Variants in LMNA observed in about 807,000 individuals in gnomAD.
The protein encoded by LMNA is lamin.
LMNA carries 20 observed loss-of-function variants against 70.4 expected under a neutral mutation model. That is an observed-to-expected ratio of 0.28 (90% CI 0.20 to 0.41). The LOEUF is 0.41. Ranked by LOEUF, LMNA falls within the 10% of genes least tolerant of loss-of-function variation. LMNA has a pLI of 1.00. For synonymous variants in LMNA, 339 were observed against 372.8 expected, an observed-to-expected ratio of 0.91 and a Z score of 1.04; for missense variants, 652 against 917.2, an observed-to-expected ratio of 0.71 and a Z score of 3.73.
upstream of LMNA, among the ~76,000 whole-genome samples, chr1:156,114,281 A>T (rs1649653302): frequency 6.6e-6 from 1 of 152,150 alleles, no homozygotes; most frequent in Non-Finnish European, 1.5e-5. Context: ...GTGGTGGAAG[A>T]AGGGTGAGTC....
chr1:156,130,800 A>G (rs1650995072), intron 2 of LMNA, 27 bp downstream of exon 2: 1 of 1,555,460 alleles, frequency 6.4e-7, no homozygotes, highest in Non-Finnish European at 8.7e-7. Context: ...GGGCCCACCC[A>G]TGGCCCCACC....
At position 156,135,502 on chromosome 1, in the gene LMNA, ACT is replaced by A. The variant is rs1558130433; in HGVS notation, c.936+193_936+194del. 1.4e-6 allele frequency: 1 copy of A among 719,858 alleles called. No individual in the cohort carries two copies. The highest frequency in any genetic ancestry group is 2.3e-6 in the Non-Finnish European group (1 of 427,512). The allele number at this position is 719,858 out of a possible 1,614,324, so 44.6% of individuals were successfully genotyped here. On this transcript the variant is annotated intron_variant, in intron 5 of 11. Transcript: ENST00000368300. This position sits in a 1 kb window ranked among gnomAD's most constrained non-coding sequence, Gnocchi z 4.8. ...GATGGCCTGTGTGCTGTTTCTGTAC[ACT>A]CTTACCTCACCTTCACTTCTCAGGG...
In LMNA at chr1:156,138,986, G is replaced by A. The variant is rs1651899112; in HGVS notation, c.1969-94G>A. 1 of 1,403,406 alleles carries A rather than the reference G, an allele frequency of 7.1e-7. No individual in the cohort carries two copies. 86.9% of individuals were successfully genotyped at this position (1,403,406 alleles called of 1,614,324 possible). A position where few individuals can be genotyped will look rare whatever the true frequency, so the allele number is the denominator to read the frequency against. On this transcript the variant is annotated intron_variant, in intron 11 of 11. Transcript: ENST00000368300. This position sits in a 1 kb window ranked among gnomAD's most constrained non-coding sequence, Gnocchi z 5.5. ...GGGCAGGGCTGGAGTGTGAGGGATGGGGGAGATGCTACCTCCCTTCTAGGG... is the reference window on the plus strand; with the variant it reads ...GGGCAGGGCTGGAGTGTGAGGGATGAGGGAGATGCTACCTCCCTTCTAGGG...
chr1:156,098,329 T>G (rs965221435), intron 3 of LMNA, among the ~76,000 whole-genome samples: 4 of 152,190 alleles, frequency 2.6e-5, no homozygotes, highest in Non-Finnish European at 5.9e-5. Context: ...TGAACTAGAT[T>G]CCCTGTCCAC....
At chr1:156,094,177 G>A (rs957151975) in intron 3 of LMNA, among the ~76,000 whole-genome samples, 18 of 152,166 alleles carry the variant, frequency 1.2e-4, no homozygotes, top group African/African-American at 4.3e-4. Context: ...GTCACCGCTA[G>A]TAAAATGAGT....
intron 3 of LMNA, among the ~76,000 whole-genome samples, chr1:156,107,964 ACCATGTTGG>A (rs1469744830): frequency 6.6e-6 from 1 of 151,824 alleles, no homozygotes; most frequent in Non-Finnish European, 1.5e-5. Flanking sequence ...ATGGAGTTTT[ACCATGTTGG>A]CCAGGCTGGT....
In LMNA at chr1:156,134,016, G is replaced by T. The variant is rs181576740; in HGVS notation, c.514-387G>T. Among the ~76,000 whole-genome samples, 10 of 148,206 alleles carry T rather than the reference G, an allele frequency of 6.7e-5. No homozygotes were observed. In the East Asian group the frequency reaches 1.4e-3, roughly 20 times the overall value. ...GAGAAGGGAGTCCTGTGGCTGGGGG[G>T]CATATATCTTTTCTTTTTGAGACAG... On this transcript the variant is annotated intron_variant, in intron 2 of 11. Transcript: ENST00000368300. This position sits in a 1 kb window ranked among gnomAD's most constrained non-coding sequence, Gnocchi z 5.3.
chr1:156,136,340 C>G lies in LMNA; in HGVS notation c.1284C>G (p.Ser428Arg), dbSNP rs368831495. ...KRKLESTESR[S>R]SFSQHARTSG... is the part of the protein sequence containing the mutation. ...AACTGGAGTCCACTGAGAGCCGCAG[C>G]AGCTTCTCACAGCACGCACGCACTA... is the stretch of plus-strand genomic sequence containing the variant. Residue 428 changes from serine (S) to arginine (R), a missense_variant, in exon 7 of 12, where the codon AGC becomes AGG. This residue lies in a region of LMNA where 327 missense variants were observed against 387.6 expected (regional missense o/e 0.84). Coordinates refer to ENST00000368300, the MANE Select transcript of LMNA (RefSeq NM_170707.4). The surrounding 1 kb of genome is among the most constrained non-coding windows in gnomAD (Gnocchi z 6.1). The G allele has an allele frequency of 2.5e-6, 4 of 1,612,292 alleles. No individual in the cohort carries two copies. The highest frequency in any genetic ancestry group is 2.5e-6 in the Non-Finnish European group (3 of 1,180,040).
At position 156,139,409 on chromosome 1, in the gene LMNA, G is replaced by C. The variant is rs1327229537; in HGVS notation, c.*303G>C. On this transcript the variant is annotated 3_prime_UTR_variant, in exon 12 of 12. Coordinates refer to ENST00000368300, the MANE Select transcript of LMNA (RefSeq NM_170707.4). ...CACATCTGCCTTAAAACCAAAGAGG[G>C]CTTCCTCTAGAAGCCAAGGGAAAGG... 1.5e-6 allele frequency: 2 copies of C among 1,361,812 alleles called. No homozygotes were observed. The highest frequency in any genetic ancestry group is 3.3e-5 in the Admixed American group (1 of 30,718). The allele number at this position is 1,361,812 out of a possible 1,614,324, so 84.4% of individuals were successfully genotyped here.
rs758048062 is a variant in LMNA, at chr1:156,138,545, G to A, written c.1756G>A (p.Val586Met). Residue 586 changes from valine to methionine, a missense_variant, in exon 11 of 12, where the codon GTG (valine) becomes ATG (methionine). Val to Met is a conservative substitution (Grantham distance 21, BLOSUM62 1). Transcript: ENST00000368300. The surrounding 1 kb of genome is among the most constrained non-coding windows in gnomAD (Gnocchi z 5.5). ...PAEYNLRSRT[V>M]LCGTCGQPAD... is the part of the protein sequence containing the mutation. ...TGAGTACAACCTGCGCTCGCGCACC[G>A]TGCTGTGCGGGACCTGCGGGCAGCC... The A allele has an allele frequency of 1.4e-5, 23 of 1,612,464 alleles. No individual in the cohort carries two copies. The highest frequency in any genetic ancestry group is 4.0e-5 in the African/African-American group (3 of 74,920).
chr1:156,091,557 G>A (rs754562395), intron 3 of LMNA, among the ~76,000 whole-genome samples: 6 of 152,082 alleles, frequency 3.9e-5, no homozygotes, highest in South Asian at 4.1e-4. Flanking sequence ...AGCCAAGATC[G>A]CGCCACTGCA....
At chr1:156,123,404 T>G (rs693671) in intron 1 of LMNA, 1 of 152,042 alleles carries the variant, frequency 6.6e-6, no homozygotes, top group African/African-American at 2.4e-5. Context: ...AGGTCCTCCC[T>G]CACTTCTTCT....
intron 2 of LMNA, among the ~76,000 whole-genome samples, chr1:156,084,339 G>GGGGGGGGT (rs1648401027): frequency 1.0e-5 from 1 of 98,006 alleles, no homozygotes; most frequent in Non-Finnish European, 2.2e-5. Flanking sequence ...GGGGGGTGGT[G>GGGGGGGGT]GGGGCAGTTG....
intron 2 of LMNA, among the ~76,000 whole-genome samples, chr1:156,084,328 C>CCGGGGG (rs1553259231): frequency 1.1e-5 from 1 of 90,978 alleles, no homozygotes; most frequent in Non-Finnish European, 2.4e-5. Context: ...CTCAGAAGGT[C>CCGGGGG]GGGGGGTGGT....
In LMNA at chr1:156,139,338, A is replaced by G; in HGVS notation, c.*232A>G. The stretch of plus-strand genomic sequence containing the variant: ...AAAAAGCATCTATCTCATCTATCTC[A>G]ATCCTAATTTCTCCTCCCTTCCTTT... On this transcript the variant is annotated 3_prime_UTR_variant, in exon 12 of 12. Coordinates refer to ENST00000368300, the MANE Select transcript of LMNA (RefSeq NM_170707.4). 1 of 1,407,848 alleles carries G rather than the reference A, an allele frequency of 7.1e-7. No individual in the cohort carries two copies. Among genetic ancestry groups the G allele is most frequent in the Non-Finnish European group, 9.2e-7 (1 of 1,087,332 alleles). 87.2% of individuals were successfully genotyped at this position (1,407,848 alleles called of 1,614,324 possible). A position where few individuals can be genotyped will look rare whatever the true frequency, so the allele number is the denominator to read the frequency against.
At chr1:156,099,649 G>A (rs1178583995) in intron 3 of LMNA, among the ~76,000 whole-genome samples, 16 of 151,974 alleles carry the variant, frequency 1.1e-4, no homozygotes, top group Non-Finnish European at 2.2e-4. Flanking sequence ...TTAGGAGGCC[G>A]AGGTGGTGGA....
At position 156,135,543 on chromosome 1, in the gene LMNA, A is replaced by G; in HGVS notation, c.936+231A>G. The G allele has an allele frequency of 1.6e-6, 1 of 630,628 alleles. No individual in the cohort carries two copies. The highest frequency in any genetic ancestry group is 2.8e-6 in the Non-Finnish European group (1 of 362,352). The allele number at this position is 630,628 out of a possible 1,614,324, so 39.1% of individuals were successfully genotyped here. A position where few individuals can be genotyped will look rare whatever the true frequency, so the allele number is the denominator to read the frequency against. On this transcript the variant is annotated intron_variant, in intron 5 of 11. Coordinates refer to ENST00000368300, the MANE Select transcript of LMNA (RefSeq NM_170707.4). This position sits in a 1 kb window ranked among gnomAD's most constrained non-coding sequence, Gnocchi z 4.8. ...CACTTCTCAGGGCTTTGGTTTTCCC[A>G]TTCGAAAATGGAGGCTGTTCTTAAT...
At position 156,138,837 on chromosome 1, in the gene LMNA, G is replaced by GCTCTCCCCCCTGCAA; in HGVS notation, c.1968+80_1968+81insCTCTCCCCCCTGCAA. ...GGGGTAGGACGAGGTGGCCTTGCAG[G>GCTCTCCCCCCTGCAA]GGGGAGAGCCTGCCTTCTCTTCCGC... On this transcript the variant is annotated intron_variant, in intron 11 of 11. Coordinates refer to ENST00000368300, the MANE Select transcript of LMNA (RefSeq NM_170707.4). The surrounding 1 kb of genome is among the most constrained non-coding windows in gnomAD (Gnocchi z 5.5). The GCTCTCCCCCCTGCAA allele has an allele frequency of 1.9e-6, 3 of 1,580,512 alleles. No homozygotes were observed. Among genetic ancestry groups the GCTCTCCCCCCTGCAA allele is most frequent in the Non-Finnish European group, 2.6e-6 (3 of 1,154,622 alleles).
rs753288092 is a variant in LMNA at position 156,137,692 on chromosome 1, G to C, written c.1647G>C (p.Val549=). ...AMRKLVRSVT[V]VEDDEDEDGD... The stretch of plus-strand genomic sequence containing the variant: ...GCAAGCTGGTGCGCTCAGTGACTGT[G>C]GTTGAGGACGACGAGGATGAGGATG... The change falls in exon 10 of 12, where the codon GTG becomes GTC. Residue 549 remains valine, a synonymous_variant. Coordinates refer to ENST00000368300, the MANE Select transcript of LMNA (RefSeq NM_170707.4). The surrounding 1 kb of genome is among the most constrained non-coding windows in gnomAD (Gnocchi z 4.6). 1 of 1,556,348 alleles carries C rather than the reference G, an allele frequency of 6.4e-7. No individual in the cohort carries two copies. Among genetic ancestry groups the C allele is most frequent in the South Asian group, 1.2e-5 (1 of 84,312 alleles).
Sources: allele counts gnomAD v4.1 joint callset (sites outside exome capture counted in the v4.1 genomes callset), GRCh38; gene constraint gnomAD v4.1.1; regional missense constraint gnomAD v4.1.1; non-coding constraint Gnocchi (gnomAD v3.1); transcripts MANE v1.5; gene names NCBI Gene and HGNC (gene_info 2026-07-23, HGNC 2026-07-21).